AMBRA1: variants seen among roughly 807,000 people sequenced by gnomAD.
AMBRA1 encodes activating molecule in BECN1-regulated autophagy protein 1.
A neutral mutation model predicts 125.4 loss-of-function variants in AMBRA1; 47 were observed. That is an observed-to-expected ratio of 0.37 (90% CI 0.30 to 0.48). AMBRA1 has a LOEUF of 0.48. AMBRA1 is among the 20% of genes least tolerant of loss of function. The pLI, the probability that AMBRA1 is intolerant of heterozygous loss-of-function variation, is 0.99. For synonymous variants in AMBRA1, 626 were observed against 655.5 expected (o/e 0.95, Z 0.69); for missense variants, 1,331 against 1,693.4 (o/e 0.79, Z 3.76).
chr11:46,587,551 A>G (rs978789519), intron 1 of AMBRA1, among the ~76,000 whole-genome samples: 2 of 152,200 alleles, frequency 1.3e-5, no homozygotes, highest in Non-Finnish European at 2.9e-5. Flanking sequence ...CAGCAAGGAA[A>G]CTTAAATTTA....
chr11:46,487,149 T>C (rs1453547953), intron 11 of AMBRA1, among the ~76,000 whole-genome samples: 1 of 151,742 alleles, frequency 6.6e-6, no homozygotes, highest in Non-Finnish European at 1.5e-5. Context: ...TTCCAGCTAC[T>C]CAGGAGGCTG....
chr11:46,489,466 AAAGAAG>A (rs139369669), intron 11 of AMBRA1, among the ~76,000 whole-genome samples: 1 of 152,130 alleles, frequency 6.6e-6, no homozygotes, highest in African/African-American at 2.4e-5. Context: ...TTATATTTAA[AAAGAAG>A]AAGAAGGAGT....
intron 7 of AMBRA1, chr11:46,530,610 AGAGC>A (rs1952171118): frequency 6.6e-6 from 1 of 152,242 alleles, no homozygotes; most frequent in African/African-American, 2.4e-5. Flanking sequence ...AACTAGAGAG[AGAGC>A]AAGTGCAGGA....
At chr11:46,511,213 T>C (rs1227340401) in intron 8 of AMBRA1, among the ~76,000 whole-genome samples, 5 of 152,238 alleles carry the variant, frequency 3.3e-5, no homozygotes, top group African/African-American at 1.2e-4. Flanking sequence ...TGCTTCAAAG[T>C]AATTGATTCA....
At position 46,490,101 on chromosome 11, in the gene AMBRA1, A is replaced by G. The variant is rs150549602; in HGVS notation, c.2521+3507T>C. Among the ~76,000 whole-genome samples, 400 of 152,328 alleles carry G rather than the reference A, an allele frequency of 2.6e-3. 2 individuals carry two copies. Among genetic ancestry groups the G allele is most frequent in the African/African-American group, 9.2e-3 (381 of 41,584 alleles). On this transcript the variant is annotated intron_variant, in intron 11 of 17. Coordinates refer to ENST00000683756, the MANE Select transcript of AMBRA1 (RefSeq NM_001387011.1). ...TGGTCCACGGTAGGCACTCAGCTTC[A>G]TTTCCATCATTTCAGTTGCTGTGAC... is the stretch of plus-strand genomic sequence containing the variant.
At chr11:46,572,786 C>T (rs1323015675) in intron 1 of AMBRA1, among the ~76,000 whole-genome samples, 1 of 152,102 alleles carries the variant, frequency 6.6e-6, no homozygotes, top group Non-Finnish European at 1.5e-5. Flanking sequence ...CATTTGTGGT[C>T]ACCAGATTTA....
At chr11:46,539,124 G>C (rs574551259) in intron 7 of AMBRA1, among the ~76,000 whole-genome samples, 1 of 151,886 alleles carries the variant, frequency 6.6e-6, no homozygotes, top group African/African-American at 2.4e-5. Flanking sequence ...ATAGATTAAA[G>C]AAAGCCAGCC....
At chr11:46,513,202 C>T (rs1338318426) in intron 7 of AMBRA1, among the ~76,000 whole-genome samples, 1 of 151,588 alleles carries the variant, frequency 6.6e-6, no homozygotes, top group Non-Finnish European at 1.5e-5. Context: ...TGTTTGGTTC[C>T]TCCATGCCAT....
intron 1 of AMBRA1, among the ~76,000 whole-genome samples, chr11:46,566,103 T>C (rs868791431): frequency 3.3e-5 from 5 of 152,012 alleles, no homozygotes; most frequent in Non-Finnish European, 7.4e-5. Flanking sequence ...ATCCAAACCA[T>C]GAAATACTGT....
chr11:46,562,959 C>T (rs1034101320), intron 1 of AMBRA1, among the ~76,000 whole-genome samples: 1 of 151,972 alleles, frequency 6.6e-6, no homozygotes, highest in Non-Finnish European at 1.5e-5. Flanking sequence ...TGCCACCACA[C>T]CTAATTTTTT....
intron 14 of AMBRA1, among the ~76,000 whole-genome samples, chr11:46,425,826 C>A (rs543598843): frequency 6.7e-6 from 1 of 148,844 alleles, no homozygotes; most frequent in African/African-American, 2.5e-5. Flanking sequence ...GCAACAAGAG[C>A]GAAACTCCGT....
chr11:46,517,560 T>C (rs68002803), intron 7 of AMBRA1, among the ~76,000 whole-genome samples: 64,665 of 134,536 alleles, frequency 0.48, 19,523 homozygotes, highest in African/African-American at 0.87. Flanking sequence ...ACAGGCCGGG[T>C]GCAGTGGCTC....
At chr11:46,414,577 T>C (rs1489610689) in intron 15 of AMBRA1, among the ~76,000 whole-genome samples, 2 of 152,208 alleles carry the variant, frequency 1.3e-5, no homozygotes, top group Non-Finnish European at 2.9e-5. Flanking sequence ...GGCTGGTTTA[T>C]GAGGCCGGAA....
At chr11:46,569,264 C>G (rs1305060142) in intron 1 of AMBRA1, among the ~76,000 whole-genome samples, 1 of 139,662 alleles carries the variant, frequency 7.2e-6, no homozygotes, top group Non-Finnish European at 1.6e-5. Context: ...AAAAAAGTAA[C>G]CCTCCAACCC....
chr11:46,501,356 G>A (rs1410607561), intron 9 of AMBRA1, among the ~76,000 whole-genome samples: 3 of 152,220 alleles, frequency 2.0e-5, no homozygotes, highest in African/African-American at 7.2e-5. Context: ...GAGTGTGGGT[G>A]TGTGCATGAG....
Position 46,512,738 on chromosome 11 carries a change from T to A in AMBRA1, c.2148A>T (p.Pro716=). Residue 716 remains proline (P), a synonymous_variant, in exon 8 of 18, where the codon CCA becomes CCT. Transcript: ENST00000683756. ...CACTTTGGCCTTACCTCGCTGGGTC[T>A]GGGTAAATTGGGTGCTCTCTGGATC... ...GAGSREHPIY[P]DPARLSPAAY... is the part of the protein sequence containing the mutation. 1.9e-6 allele frequency: 3 copies of A among 1,613,388 alleles called. No individual in the cohort carries two copies. The highest frequency in any genetic ancestry group is 2.5e-6 in the Non-Finnish European group (3 of 1,179,646).
At chr11:46,583,771 A>T (rs1185890350) in intron 1 of AMBRA1, among the ~76,000 whole-genome samples, 18 of 151,804 alleles carry the variant, frequency 1.2e-4, no homozygotes, top group Admixed American at 6.6e-4. Context: ...CACATGAAAA[A>T]ATGCTCACCA....
chr11:46,490,707 G>A (rs1288375524), intron 11 of AMBRA1, among the ~76,000 whole-genome samples: 1 of 152,114 alleles, frequency 6.6e-6, no homozygotes, highest in African/African-American at 2.4e-5. Flanking sequence ...CATTCACCAT[G>A]CAAAAGTTCC....
At chr11:46,422,949 T>A (rs1009384767) in intron 14 of AMBRA1, among the ~76,000 whole-genome samples, 13 of 151,978 alleles carry the variant, frequency 8.6e-5, no homozygotes, top group African/African-American at 3.1e-4. Context: ...AGGTGCAAGG[T>A]GCAAAGCAAG....
Sources: gnomAD v4.1 joint callset for allele counts (sites outside exome capture counted in the v4.1 genomes callset) on GRCh38, gnomAD v4.1.1 for gene constraint, MANE v1.5 for transcripts, NCBI Gene and HGNC (gene_info 2026-07-23, HGNC 2026-07-21) for gene names.